ZFP64: variants seen among roughly 807,000 people sequenced by gnomAD.
ZFP64 encodes the protein zinc finger protein 64.
In ZFP64, 14 loss-of-function variants were observed where a neutral mutation model predicts 51.6. The ratio of observed to expected loss-of-function variants is 0.27; its 90% CI spans 0.18 to 0.42. The LOEUF is 0.42. Among genes scored for constraint, ZFP64 ranks in the 10% least tolerant of loss-of-function variants. ZFP64 has a pLI of 1.00. For missense variants in ZFP64, 754 were observed against 906.8 expected (o/e 0.83, Z 2.16); for synonymous variants, 375 against 361.4 (o/e 1.04, Z -0.43).
intron 5 of ZFP64, among the ~76,000 whole-genome samples, chr20:52,102,107 CAAAAAAAA>C (rs34646115): frequency 1.6e-5 from 1 of 63,438 alleles, no homozygotes; most frequent in African/African-American, 6.8e-5. Flanking sequence ...ACTCCATCTC[CAAAAAAAA>C]AAAAAAAAAA....
chr20:52,105,421 G>A (rs1482765452), intron 5 of ZFP64: 3 of 1,207,138 alleles, frequency 2.5e-6, no homozygotes, highest in African/African-American at 3.1e-5. Flanking sequence ...CAAGACCCCA[G>A]GAGTCCCGCG....
At chr20:52,183,334 G>A (rs1389989253) in intron 2 of ZFP64, among the ~76,000 whole-genome samples, 1 of 152,184 alleles carries the variant, frequency 6.6e-6, no homozygotes, top group African/African-American at 2.4e-5. Context: ...AAAAGTGTGG[G>A]CCTGGAAGCC....
chr20:52,113,499 C>T (rs1978707206), intron 5 of ZFP64, among the ~76,000 whole-genome samples: 1 of 142,522 alleles, frequency 7.0e-6, no homozygotes, highest in East Asian at 2.1e-4. Flanking sequence ...GCGATCTCGG[C>T]TCACTGCATC....
chr20:52,189,538 C>T (rs1476014800), intron 1 of ZFP64, among the ~76,000 whole-genome samples: 3 of 150,780 alleles, frequency 2.0e-5, no homozygotes, highest in East Asian at 3.9e-4. Context: ...TGCAAGGGCA[C>T]GATCTCAGCT....
At chr20:52,179,911 G>T (rs1237365631) in intron 2 of ZFP64, among the ~76,000 whole-genome samples, 7 of 152,218 alleles carry the variant, frequency 4.6e-5, no homozygotes, top group African/African-American at 1.7e-4. Flanking sequence ...GCTAGACAGA[G>T]CAAGACTCAA....
intron 5 of ZFP64, chr20:52,117,604 G>A (rs532773114): frequency 2.2e-6 from 1 of 455,642 alleles, no homozygotes; most frequent in Non-Finnish European, 4.4e-6. Flanking sequence ...GGGCGACAGA[G>A]CGAAACTCTG....
intron 5 of ZFP64, among the ~76,000 whole-genome samples, chr20:52,125,035 G>C (rs1271100674): frequency 6.6e-6 from 1 of 152,182 alleles, no homozygotes; most frequent in Non-Finnish European, 1.5e-5. Context: ...AAAGCACCAA[G>C]CTTTGTTTGC....
Position 52,158,128 on chromosome 20 carries a change from A to G in ZFP64, c.763+1995T>C, listed in dbSNP as rs147551559. ...TATTGTGAATACTGCTGCAATAAAC[A>G]TATGTGTGCATGTGTCTTACACTAC... On this transcript the variant is annotated intron_variant, in intron 5 of 5. Coordinates refer to ENST00000216923, the MANE Select transcript of ZFP64 (RefSeq NM_018197.3). Among the ~76,000 whole-genome samples, 231 of 152,340 alleles carry G rather than the reference A, an allele frequency of 1.5e-3. 2 individuals are homozygous for G. The highest frequency in any genetic ancestry group is 5.4e-3 in the African/African-American group (225 of 41,582).
intron 7 of ZFP64, among the ~76,000 whole-genome samples, chr20:52,093,564 T>C (rs2078952624): frequency 1.3e-5 from 2 of 152,230 alleles, no homozygotes; most frequent in Admixed American, 6.5e-5. Flanking sequence ...CAATTATGGA[T>C]GTAGGCAATA....
Position 52,085,208 on chromosome 20 carries a change from C to G in ZFP64, c.1287G>C (p.Leu429Phe). The change falls in exon 9 of 9, where the codon TTG (leucine) becomes TTC (phenylalanine). Residue 429 changes from leucine to phenylalanine, a missense_variant. Coordinates refer to the ZFP64 transcript ENST00000361387. The surrounding 1 kb of genome is among the most constrained non-coding windows in gnomAD (Gnocchi z 4.3). Reference sequence around the variant, plus strand: ...CCGAGTGCACGATCATGTGCCTTTTCAAGTCCGAGCTGATTTTGAACTTGG... The same window carrying G: ...CCGAGTGCACGATCATGTGCCTTTTGAAGTCCGAGCTGATTTTGAACTTGG... The G allele has an allele frequency of 6.2e-7, 1 of 1,614,206 alleles. No homozygotes were observed. Among genetic ancestry groups the G allele is most frequent in the Non-Finnish European group, 8.5e-7 (1 of 1,180,040 alleles).
chr20:52,101,004 T>A (rs1022188624), intron 5 of ZFP64, among the ~76,000 whole-genome samples: 2 of 152,202 alleles, frequency 1.3e-5, no homozygotes, highest in Admixed American at 1.3e-4. Flanking sequence ...GGGGCCATTC[T>A]ACCACCAAAG....
Position 52,165,945 on chromosome 20 carries a change from C to A in ZFP64, c.367G>T (p.Val123Phe). 6.2e-7 allele frequency: 1 copy of A among 1,614,106 alleles called. No homozygotes were observed. Among genetic ancestry groups the A allele is most frequent in the Non-Finnish European group, 8.5e-7 (1 of 1,180,026 alleles). Residue 123 changes from valine to phenylalanine, a missense_variant, in exon 3 of 6, where the codon GTC becomes TTC. Physicochemically the swap from Val to Phe is conservative, Grantham distance 50. Around this residue, in one of 3 missense-constraint regions of ZFP64, gnomAD observed 231 missense variants for 336.7 expected, o/e 0.69. Coordinates refer to ENST00000216923, the MANE Select transcript of ZFP64 (RefSeq NM_018197.3). ...TESNENQTAT[V>F]ISLPAKSRTK... Reference sequence around the variant, plus strand: ...CGTGACTTGGCAGGGAGAGAGATGACAGTGGCTGTCTGGTTTTCATTACTT... The same window carrying A: ...CGTGACTTGGCAGGGAGAGAGATGAAAGTGGCTGTCTGGTTTTCATTACTT...
chr20:52,152,155 AAT>A lies in ZFP64; in HGVS notation c.2035_2036del (p.Ile679SerfsTer16). On this transcript the variant is annotated frameshift_variant, in exon 6 of 6. Transcript: ENST00000216923. LOFTEE classifies it high-confidence loss of function. ...HPALLCPADS[I>X]PD is the part of the protein sequence containing the mutation. ...TTTGTTTTTTTAAGCACTAATCTGG[AAT>A]GGAGTCGGCGGGACAGAGCAAAGCT... is the stretch of plus-strand genomic sequence containing the variant. 3 of 1,612,438 alleles carry A rather than the reference AAT, an allele frequency of 1.9e-6. No individual in the cohort carries two copies. The highest frequency in any genetic ancestry group is 2.5e-6 in the Non-Finnish European group (3 of 1,178,704).
intron 5 of ZFP64, among the ~76,000 whole-genome samples, chr20:52,159,728 T>C (rs538177299): frequency 6.6e-6 from 1 of 152,352 alleles, no homozygotes; most frequent in East Asian, 1.9e-4. Context: ...ACAACATACC[T>C]GTAATCCCAG....
intron 5 of ZFP64, chr20:52,098,729 C>A (rs539052406): frequency 9.9e-6 from 11 of 1,112,760 alleles, no homozygotes; most frequent in Admixed American, 2.5e-5. Flanking sequence ...TGTGACCAGG[C>A]GGGGTGGCTC....
Position 52,153,283 on chromosome 20 carries a change from C to T in ZFP64, c.909G>A (p.Lys303=), listed in dbSNP as rs781608945. The T allele has an allele frequency of 1.4e-5, 22 of 1,614,094 alleles. No individual in the cohort carries two copies. ...CGCTGTGCTTGATACGGATGTGCGA[C>T]TTGAGGTTCCCCTTCATGGTGCAGC... The part of the protein sequence containing the change: ...NVRCTMKGNL[K]SHIRIKHSGN... Residue 303 remains lysine (K), a synonymous_variant, in exon 6 of 6, where the codon AAG becomes AAA. Coordinates refer to ENST00000216923, the MANE Select transcript of ZFP64 (RefSeq NM_018197.3). This position sits in a 1 kb window ranked among gnomAD's most constrained non-coding sequence, Gnocchi z 5.1.
chr20:52,089,520 C>T (rs899711362), intron 7 of ZFP64, among the ~76,000 whole-genome samples: 13 of 151,964 alleles, frequency 8.6e-5, no homozygotes, highest in South Asian at 2.1e-4. Flanking sequence ...GTGGGTGGAT[C>T]GCTTGACCCC....
Position 52,153,474 on chromosome 20 carries a change from C to A in ZFP64, c.764-46G>T. 6.3e-7 allele frequency: 1 copy of A among 1,576,028 alleles called. No individual in the cohort carries two copies. Among genetic ancestry groups the A allele is most frequent in the South Asian group, 1.2e-5 (1 of 83,896 alleles). Reference sequence around the variant, plus strand: ...TCGATAAGAACAGGCAGGCAACAACCACAGCGGATCCCCCCGAAGCACACA... The same window carrying A: ...TCGATAAGAACAGGCAGGCAACAACAACAGCGGATCCCCCCGAAGCACACA... On this transcript the variant is annotated intron_variant, in intron 5 of 5. Coordinates refer to ENST00000216923, the MANE Select transcript of ZFP64 (RefSeq NM_018197.3). The surrounding 1 kb of genome is among the most constrained non-coding windows in gnomAD (Gnocchi z 5.1).
chr20:52,111,238 C>T (rs1428572609), intron 5 of ZFP64, among the ~76,000 whole-genome samples: 2 of 130,650 alleles, frequency 1.5e-5, no homozygotes, highest in Non-Finnish European at 3.1e-5. Context: ...CGGAGTTTCG[C>T]TCTGAGTTTT....
Sources: gnomAD v4.1 joint callset for allele counts (sites outside exome capture counted in the v4.1 genomes callset) on GRCh38, gnomAD v4.1.1 for gene constraint, gnomAD v4.1.1 regional missense constraint, Gnocchi (gnomAD v3.1) non-coding constraint, MANE v1.5 for transcripts, NCBI Gene and HGNC (gene_info 2026-07-23, HGNC 2026-07-21) for gene names.